Variants in PRKG1 observed in about 807,000 individuals in gnomAD.
The protein encoded by PRKG1 is cGMP-dependent protein kinase 1.
PRKG1 carries 35 observed loss-of-function variants against 88.1 expected under a neutral mutation model. The ratio of observed to expected loss-of-function variants is 0.40; its 90% confidence interval spans 0.30 to 0.53. PRKG1 has a LOEUF of 0.53. PRKG1 is among the 20% of genes least tolerant of loss of function. The probability of loss-of-function intolerance (pLI) is 0.59; values close to 1 mark genes in which losing one functional copy is unlikely to be tolerated. For missense variants in PRKG1, 540 were observed against 839.8 expected (o/e 0.64, Z 4.41); for synonymous variants, 303 against 292.5 (o/e 1.04, Z -0.37).
At chr10:51,033,581 A>G (rs538012415) in intron 1 of PRKG1, among the ~76,000 whole-genome samples, 1 of 152,320 alleles carries the variant, frequency 6.6e-6, no homozygotes, top group East Asian at 1.9e-4. Context: ...TGCTATACAC[A>G]TGGGATGTAT....
intron 2 of PRKG1, among the ~76,000 whole-genome samples, chr10:51,459,108 C>T (rs1448154889): frequency 2.0e-5 from 3 of 152,018 alleles, no homozygotes; most frequent in African/African-American, 7.2e-5. Flanking sequence ...TCCAAATCTC[C>T]TGCCTTTTAA....
intron 2 of PRKG1, among the ~76,000 whole-genome samples, chr10:51,384,062 G>T (rs1255793324): frequency 6.6e-6 from 1 of 151,836 alleles, no homozygotes; most frequent in Non-Finnish European, 1.5e-5. Context: ...GTTTGATCAA[G>T]ACATCAATAT....
At chr10:51,190,682 C>T (rs1188600594) in intron 2 of PRKG1, among the ~76,000 whole-genome samples, 1 of 151,790 alleles carries the variant, frequency 6.6e-6, no homozygotes, top group Non-Finnish European at 1.5e-5. Flanking sequence ...TTAATATTTA[C>T]ATATAGGACA....
At chr10:51,277,626 C>A (rs1484259970) in intron 2 of PRKG1, among the ~76,000 whole-genome samples, 2 of 151,908 alleles carry the variant, frequency 1.3e-5, no homozygotes, top group African/African-American at 4.8e-5. Flanking sequence ...TTTGTGTCCT[C>A]TTTTATTGAG....
At chr10:51,134,737 A>C (rs1589182521) in intron 1 of PRKG1, among the ~76,000 whole-genome samples, 1 of 152,170 alleles carries the variant, frequency 6.6e-6, no homozygotes, top group African/African-American at 2.4e-5. Context: ...TTATAGTTGT[A>C]TCTAAACTAC....
chr10:51,833,847 T>C (rs1264446895), intron 4 of PRKG1, among the ~76,000 whole-genome samples: 1 of 152,220 alleles, frequency 6.6e-6, no homozygotes, highest in Non-Finnish European at 1.5e-5. Flanking sequence ...GCCCTTTCTC[T>C]GTCTACCTTC....
At chr10:51,523,053 C>G (rs1255812924) in intron 3 of PRKG1, among the ~76,000 whole-genome samples, 1 of 152,138 alleles carries the variant, frequency 6.6e-6, no homozygotes, top group Admixed American at 6.5e-5. Flanking sequence ...ACTCTGTCCA[C>G]GGTGTTAGGA....
At chr10:51,728,343 A>G (rs1014342774) in intron 3 of PRKG1, among the ~76,000 whole-genome samples, 35 of 152,114 alleles carry the variant, frequency 2.3e-4, no homozygotes, top group African/African-American at 7.9e-4. Flanking sequence ...TTATAAATCT[A>G]TGGAAAATGC....
At chr10:51,580,672 T>C (rs80080249) in intron 3 of PRKG1, among the ~76,000 whole-genome samples, 3 of 152,146 alleles carry the variant, frequency 2.0e-5, no homozygotes, top group African/African-American at 7.2e-5. Context: ...AAAGATCAAT[T>C]TGAGGGGCAG....
chr10:51,260,934 A>G (rs1353064678), intron 2 of PRKG1, among the ~76,000 whole-genome samples: 2 of 152,330 alleles, frequency 1.3e-5, no homozygotes, highest in Non-Finnish European at 2.9e-5. Flanking sequence ...CTTATTTGAT[A>G]AGAACTGTGC....
intron 4 of PRKG1, among the ~76,000 whole-genome samples, chr10:51,905,480 A>G (rs541251578): frequency 5.3e-5 from 8 of 152,310 alleles, no homozygotes; most frequent in African/African-American, 1.7e-4. Context: ...ACAAATGTAT[A>G]TGCACTCAGT....
chr10:51,654,165 A>G (rs1342096070), intron 3 of PRKG1, among the ~76,000 whole-genome samples: 1 of 152,092 alleles, frequency 6.6e-6, no homozygotes, highest in Non-Finnish European at 1.5e-5. Context: ...TTTAGGTTTT[A>G]TATCTAAGTC....
chr10:52,082,837 C>G (rs1846813771), intron 7 of PRKG1, among the ~76,000 whole-genome samples: 1 of 151,882 alleles, frequency 6.6e-6, no homozygotes, highest in South Asian at 2.1e-4. Context: ...TTTAAATAAC[C>G]AATTTCAGTA....
intron 3 of PRKG1, among the ~76,000 whole-genome samples, chr10:51,588,131 G>C (rs1838218185): frequency 6.6e-6 from 1 of 152,168 alleles, no homozygotes; most frequent in African/African-American, 2.4e-5. Flanking sequence ...ATTAGAACAT[G>C]CTCATTCATT....
intron 3 of PRKG1, among the ~76,000 whole-genome samples, chr10:51,723,144 A>G (rs969900350): frequency 1.3e-5 from 2 of 152,226 alleles, no homozygotes; most frequent in Non-Finnish European, 2.9e-5. Flanking sequence ...AAAGGTAGAT[A>G]TGTCAAGGTA....
chr10:51,483,761 T>C (rs1276119885), intron 3 of PRKG1, among the ~76,000 whole-genome samples: 1 of 152,190 alleles, frequency 6.6e-6, no homozygotes, highest in East Asian at 1.9e-4. Flanking sequence ...TGATGATATA[T>C]TTGGAGTATT....
chr10:51,998,000 G>A (rs1419043307), intron 5 of PRKG1, among the ~76,000 whole-genome samples: 2 of 152,050 alleles, frequency 1.3e-5, no homozygotes, highest in Non-Finnish European at 1.5e-5. Flanking sequence ...TTCAATGTTT[G>A]ACCATAAAAA....
chr10:51,485,160 T>C, intron 3 of PRKG1, among the ~76,000 whole-genome samples: 1 of 152,324 alleles, frequency 6.6e-6, no homozygotes, highest in Non-Finnish European at 1.5e-5. Flanking sequence ...TGGGCCATAT[T>C]AGTAAATGCC....
At chr10:51,095,172 T>C (rs1443630065) in intron 1 of PRKG1, among the ~76,000 whole-genome samples, 3 of 152,148 alleles carry the variant, frequency 2.0e-5, no homozygotes, top group Admixed American at 6.6e-5. Flanking sequence ...AAGAGGCACA[T>C]TCAGAATCCA....
Sources: allele counts gnomAD v4.1 joint callset (sites outside exome capture counted in the v4.1 genomes callset), GRCh38; gene constraint gnomAD v4.1.1; transcripts MANE v1.5; gene names NCBI Gene and HGNC (gene_info 2026-07-23, HGNC 2026-07-21).